The following GATA6 variants were observed in gnomAD, a reference collection of about 807,000 sequenced individuals.
GATA6 encodes the protein GATA binding protein 6.
Under a neutral mutation model 48.1 loss-of-function variants are expected in GATA6, and 11 were observed. That is an observed-to-expected ratio of 0.23 (90% CI 0.14 to 0.38). The LOEUF is 0.38. Among genes scored for constraint, GATA6 ranks in the 10% least tolerant of loss-of-function variants. The pLI is 1.00. For synonymous variants in GATA6, 419 were observed against 396.1 expected, an observed-to-expected ratio of 1.06 and a Z score of -0.69; for missense variants, 795 against 850.3, an observed-to-expected ratio of 0.93 and a Z score of 0.81.
chr18:22,171,381 G>C lies in GATA6; in HGVS notation c.237G>C (p.Leu79=), dbSNP rs772338637. Residue 79 remains leucine (L), a synonymous_variant, in exon 2 of 7, where the codon CTG becomes CTC. Transcript: ENST00000269216. This position sits in a 1 kb window ranked among gnomAD's most constrained non-coding sequence, Gnocchi z 7.1. ...AAAGPPARSL[L]LSSYASHPFG... The stretch of plus-strand genomic sequence containing the variant: ...CCGGACCCCCGGCCCGCTCGCTGCT[G>C]CTCAGTTCCTACGCTTCGCATCCCT... 1.1e-4 allele frequency: 176 copies of C among 1,587,192 alleles called. No homozygotes were observed. Among genetic ancestry groups the C allele is most frequent in the Middle Eastern group, 1.7e-4 (1 of 5,936 alleles).
chr18:22,176,714 T>C, intron 2 of GATA6: 1 of 476,160 alleles, frequency 2.1e-6, no homozygotes, highest in South Asian at 2.5e-5. Flanking sequence ...GCACTGTCTC[T>C]TTCCCGGAGT....
chr18:22,182,726 TA>T, intron 4 of GATA6, 30 bp from the exon 5 acceptor site: 1 of 1,481,570 alleles, frequency 6.7e-7, no homozygotes, highest in Non-Finnish European at 9.4e-7. Flanking sequence ...AATATAATAT[TA>T]AATTTATGGC....
Position 22,182,862 on chromosome 18 carries a change from A to G in GATA6, c.1516+18A>G. On this transcript the variant is annotated intron_variant, in intron 5 of 6. Transcript: ENST00000269216. ...TTGCTCTGGTAAATATACTAAAATG[A>G]CGTTTGACTGTAAAGTATTTGCCAA... 1 of 1,606,304 alleles carries G rather than the reference A, an allele frequency of 6.2e-7. No individual in the cohort carries two copies. The highest frequency in any genetic ancestry group is 8.5e-7 in the Non-Finnish European group (1 of 1,172,828).
intron 6 of GATA6, among the ~76,000 whole-genome samples, chr18:22,184,914 C>T (rs2033246077): frequency 6.6e-6 from 1 of 152,184 alleles, no homozygotes; most frequent in Admixed American, 6.5e-5. Context: ...GAAATGAGGA[C>T]TGCTGCCAGC....
At chr18:22,186,007 G>A (rs1445231471) in intron 6 of GATA6, among the ~76,000 whole-genome samples, 4 of 152,226 alleles carry the variant, frequency 2.6e-5, no homozygotes, top group African/African-American at 7.2e-5. Flanking sequence ...AGCTGGCTTT[G>A]TGACTGATTG....
chr18:22,171,798 C>T lies in GATA6; in HGVS notation c.654C>T (p.Gly218=). The change falls in exon 2 of 7, where the codon GGC becomes GGT. Residue 218 remains glycine, a synonymous_variant. Coordinates refer to ENST00000269216, the MANE Select transcript of GATA6 (RefSeq NM_005257.6). The surrounding 1 kb of genome is among the most constrained non-coding windows in gnomAD (Gnocchi z 7.1). ...SGSGPANHAG[G]AGAHPGWPQA... Reference sequence around the variant, plus strand: ...GTGGGCCAGCCAACCACGCGGGCGGCGCGGGCGCGCACCCCGGCTGGCCTC... The same window carrying T: ...GTGGGCCAGCCAACCACGCGGGCGGTGCGGGCGCGCACCCCGGCTGGCCTC... 1 of 1,302,200 alleles carries T rather than the reference C, an allele frequency of 7.7e-7. No individual in the cohort carries two copies. The highest frequency in any genetic ancestry group is 9.7e-7 in the Non-Finnish European group (1 of 1,033,654). 80.7% of individuals were successfully genotyped at this position (1,302,200 alleles called of 1,614,324 possible).
Position 22,196,759 on chromosome 18 carries a change from TA to T in GATA6, c.1621-3891del, listed in dbSNP as rs918526604. ...CCTGTCTCAAAAATAAAAAATAAAA[TA>T]AAAAAGAGAAAGAGTCATGAGACTT... On this transcript the variant is annotated intron_variant, in intron 6 of 6. Coordinates refer to ENST00000269216, the MANE Select transcript of GATA6 (RefSeq NM_005257.6). Among the ~76,000 whole-genome samples the T allele has an allele frequency of 2.6e-5, 4 of 151,802 alleles. No homozygotes were observed. In the South Asian group the frequency reaches 8.3e-4, roughly 32 times the overall value.
Position 22,200,730 on chromosome 18 carries a change from A to G in GATA6, c.1695A>G (p.Gln565=), listed in dbSNP as rs1399874696. The part of the protein sequence containing the change: ...PENSELKYSG[Q]DGLYIGVSLA... The stretch of plus-strand genomic sequence containing the variant: ...ACAGCGAGCTCAAGTATTCGGGTCA[A>G]GATGGGCTCTACATAGGCGTCAGTC... Residue 565 remains glutamine, a synonymous_variant, in exon 7 of 7, where the codon CAA becomes CAG. Coordinates refer to ENST00000269216, the MANE Select transcript of GATA6 (RefSeq NM_005257.6). 1.9e-6 allele frequency: 3 copies of G among 1,614,114 alleles called. No individual in the cohort carries two copies. The highest frequency in any genetic ancestry group is 2.7e-5 in the African/African-American group (2 of 74,954).
chr18:22,174,281 C>A (rs1480751058), intron 2 of GATA6, among the ~76,000 whole-genome samples: 3 of 152,206 alleles, frequency 2.0e-5, no homozygotes, highest in Non-Finnish European at 4.4e-5. Context: ...CACACCTTAG[C>A]CTGATCTCCA....
chr18:22,190,678 G>A (rs2033314931), intron 6 of GATA6, among the ~76,000 whole-genome samples: 1 of 152,308 alleles, frequency 6.6e-6, no homozygotes, highest in African/African-American at 2.4e-5. Context: ...AAACAAGCCA[G>A]TATTGAAGCC....
rs2033454030 is a variant in GATA6, at chr18:22,200,876, G to A, written c.*53G>A. 8.4e-6 allele frequency: 13 copies of A among 1,553,748 alleles called. No homozygotes were observed. The Admixed American group carries it at 2.0e-4, about 24-fold the overall frequency. On this transcript the variant is annotated 3_prime_UTR_variant, in exon 7 of 7. Transcript: ENST00000269216. ...CTCCGCCGCGGGCCTCACTCCACTC[G>A]TGTCTGCTTTTGTGCAGCGGTCCAG...
intron 6 of GATA6, among the ~76,000 whole-genome samples, chr18:22,190,998 T>C (rs1308047132): frequency 6.6e-6 from 1 of 150,986 alleles, no homozygotes; most frequent in African/African-American, 2.5e-5. Context: ...CTCAAGGCTT[T>C]TTCTAGACTT....
chr18:22,198,147 C>G (rs537662951), intron 6 of GATA6, among the ~76,000 whole-genome samples: 119 of 151,316 alleles, frequency 7.9e-4, no homozygotes, highest in Non-Finnish European at 1.4e-3. Context: ...TGCAGTGATG[C>G]AATCGTAGCT....
chr18:22,192,303 T>C (rs2143325659), intron 6 of GATA6, among the ~76,000 whole-genome samples: 1 of 151,946 alleles, frequency 6.6e-6, no homozygotes, highest in Non-Finnish European at 1.5e-5. Flanking sequence ...GGAGACCTCT[T>C]TGAAGTTTAA....
chr18:22,171,927 G>T lies in GATA6; in HGVS notation c.783G>T (p.Ala261=). The change falls in exon 2 of 7, where the codon GCG becomes GCT. Residue 261 remains alanine, a synonymous_variant. Coordinates refer to ENST00000269216, the MANE Select transcript of GATA6 (RefSeq NM_005257.6). The surrounding 1 kb of genome is among the most constrained non-coding windows in gnomAD (Gnocchi z 7.1). ...GAGSAAAHVS[A]RFPYSPSPPM... ...GCTCAGCCGCGGCGCACGTCTCGGC[G>T]CGCTTCCCCTACTCTCCCAGCCCGC... 8.5e-7 allele frequency: 1 copy of T among 1,183,122 alleles called. No individual in the cohort carries two copies. The allele number at this position is 1,183,122 out of a possible 1,614,324, so 73.3% of individuals were successfully genotyped here.
At position 22,170,434 on chromosome 18, in the gene GATA6, AG is replaced by A. The variant is rs1421069428; in HGVS notation, c.-37-672del. Among the ~76,000 whole-genome samples, 52 of 152,314 alleles carry A rather than the reference AG, an allele frequency of 3.4e-4. No individual in the cohort carries two copies. Among genetic ancestry groups the A allele is most frequent in the Admixed American group, 7.8e-4 (12 of 15,310 alleles). On this transcript the variant is annotated intron_variant, in intron 1 of 6. Coordinates refer to ENST00000269216, the MANE Select transcript of GATA6 (RefSeq NM_005257.6). This position sits in a 1 kb window ranked among gnomAD's most constrained non-coding sequence, Gnocchi z 6.7. ...GCTCTCCGCATTGCCTCTGCTGGGA[AG>A]GACCCAGACTGCTGCCCCCGCCCTG... is the stretch of plus-strand genomic sequence containing the variant.
At chr18:22,187,962 T>A (rs1419036359) in intron 6 of GATA6, among the ~76,000 whole-genome samples, 1 of 152,088 alleles carries the variant, frequency 6.6e-6, no homozygotes, top group Non-Finnish European at 1.5e-5. Flanking sequence ...TTAGGCCAGG[T>A]GCAGTGGCTC....
rs530751971 is a variant in GATA6 at position 22,175,439 on chromosome 18, A to G, written c.1136-1516A>G. 7 of 152,316 alleles carry G rather than the reference A, an allele frequency of 4.6e-5. No individual in the cohort carries two copies. In the South Asian group the frequency reaches 1.5e-3, roughly 32 times the overall value. The allele number at this position is 152,316 out of a possible 1,614,324, so 9.4% of individuals were successfully genotyped here. On this transcript the variant is annotated intron_variant, in intron 2 of 6. Coordinates refer to ENST00000269216, the MANE Select transcript of GATA6 (RefSeq NM_005257.6). ...ATCCAGAGGGGCTCTGATAGGTAAC[A>G]TTTTAAAGTCAACAACAAAGACAAA...
chr18:22,187,764 T>G (rs1192065512), intron 6 of GATA6, among the ~76,000 whole-genome samples: 2 of 152,044 alleles, frequency 1.3e-5, no homozygotes, highest in Non-Finnish European at 2.9e-5. Context: ...AGATAAAAAG[T>G]TTTTTTCTTA....
Sources: gnomAD v4.1 joint callset for allele counts (sites outside exome capture counted in the v4.1 genomes callset) on GRCh38, gnomAD v4.1.1 for gene constraint, Gnocchi (gnomAD v3.1) non-coding constraint, MANE v1.5 for transcripts, NCBI Gene and HGNC (gene_info 2026-07-23, HGNC 2026-07-21) for gene names.